PTPRZ1: variants seen among roughly 807,000 people sequenced by gnomAD.
The protein encoded by PTPRZ1 is protein tyrosine phosphatase receptor type Z1.
In PTPRZ1, 82 loss-of-function variants were observed where a neutral mutation model predicts 214.1. The ratio of observed to expected loss-of-function variants is 0.38; its 90% confidence interval spans 0.32 to 0.46. The LOEUF (loss-of-function observed/expected upper bound fraction) is 0.46, where lower values mean the gene tolerates loss of function less well. Ranked by LOEUF, PTPRZ1 falls within the 20% of genes least tolerant of loss-of-function variation. The pLI is 1.00. For synonymous variants in PTPRZ1, 945 were observed against 987.9 expected, an observed-to-expected ratio of 0.96 and a Z score of 0.81; for missense variants, 2,603 against 2,748.7, an observed-to-expected ratio of 0.95 and a Z score of 1.19.
At chr7:121,983,898 A>G in intron 7 of PTPRZ1, 69 bp from the exon 8 acceptor site, 1 of 1,588,964 alleles carries the variant, frequency 6.3e-7, no homozygotes, top group Non-Finnish European at 8.6e-7. Context: ...TTGCTATAAA[A>G]TATCCATTTT....
At chr7:122,030,795 A>G (rs544966801) in intron 14 of PTPRZ1, among the ~76,000 whole-genome samples, 1 of 152,162 alleles carries the variant, frequency 6.6e-6, no homozygotes, top group Non-Finnish European at 1.5e-5. Flanking sequence ...AAAGAAAAAA[A>G]AATCAGAACC....
intron 10 of PTPRZ1, among the ~76,000 whole-genome samples, chr7:122,004,214 A>C (rs1357426461): frequency 1.3e-5 from 2 of 152,184 alleles, no homozygotes; most frequent in Non-Finnish European, 2.9e-5. Flanking sequence ...GCATTTCCCC[A>C]ACCATGCTTT....
At chr7:121,903,270 TA>T (rs1436933771) in intron 1 of PTPRZ1, among the ~76,000 whole-genome samples, 4 of 152,212 alleles carry the variant, frequency 2.6e-5, no homozygotes, top group African/African-American at 9.6e-5. Flanking sequence ...TAAAAATGCA[TA>T]TTTTTTTCTG....
At position 122,052,002 on chromosome 7, in the gene PTPRZ1, G is replaced by A. The variant is rs1317829144; in HGVS notation, c.6252+63G>A. 6 of 1,373,260 alleles carry A rather than the reference G, an allele frequency of 4.4e-6. No individual in the cohort carries two copies. In the African/African-American group the frequency reaches 7.5e-5, roughly 17 times the overall value. 85.1% of individuals were successfully genotyped at this position (1,373,260 alleles called of 1,614,324 possible). On this transcript the variant is annotated intron_variant, in intron 25 of 29. Transcript: ENST00000393386. Reference sequence around the variant, plus strand: ...TGTTACAGGGATCAAAACCAGAATGGGCTGCCAGAAGCAAAGACTACAGGC... The same window carrying A: ...TGTTACAGGGATCAAAACCAGAATGAGCTGCCAGAAGCAAAGACTACAGGC...
intron 2 of PTPRZ1, among the ~76,000 whole-genome samples, chr7:121,958,544 A>T (rs1796779319): frequency 6.6e-6 from 1 of 152,170 alleles, no homozygotes; most frequent in African/African-American, 2.4e-5. Context: ...GTGGTTATAA[A>T]TGTATGCTAT....
rs759142145 is a variant in PTPRZ1 at position 122,011,553 on chromosome 7, A to C, written c.2507A>C (p.His836Pro). 3.7e-6 allele frequency: 6 copies of C among 1,613,916 alleles called. No individual in the cohort carries two copies. The African/African-American group carries it at 6.7e-5, about 18-fold the overall frequency. ...AGTAGTGAATTGTTTCGCCATCTGC[A>C]TACAGTTTCTCAAATCCTTCCACAA... Reference protein sequence around the residue: ...SFSSELFRHLHTVSQILPQVT... With the variant: ...SFSSELFRHLPTVSQILPQVT... The change falls in exon 12 of 30, where the codon CAT becomes CCT. Residue 836 changes from histidine to proline, a missense_variant. Transcript: ENST00000393386.
Position 122,051,422 on chromosome 7 carries a change from G to A in PTPRZ1, c.6085-6G>A, listed in dbSNP as rs1408634672. The A allele has an allele frequency of 6.2e-7, 1 of 1,607,962 alleles. No homozygotes were observed. Among genetic ancestry groups the A allele is most frequent in the South Asian group, 1.1e-5 (1 of 90,398 alleles). ...AACCTATATATTTTTTTACTTTCTTGCCCAGCTCCTGAGCCAGTCAAATAT... is the reference window on the plus strand; with the variant it reads ...AACCTATATATTTTTTTACTTTCTTACCCAGCTCCTGAGCCAGTCAAATAT... On this transcript the variant is annotated splice_polypyrimidine_tract_variant and splice_region_variant and intron_variant, in intron 23 of 29. Transcript: ENST00000393386.
intron 1 of PTPRZ1, among the ~76,000 whole-genome samples, chr7:121,906,384 T>C (rs377616497): frequency 2.6e-5 from 4 of 152,318 alleles, no homozygotes; most frequent in South Asian, 2.1e-4. Flanking sequence ...TAGTAGTAGT[T>C]AAAATAAAAC....
At chr7:121,924,877 C>T (rs1795710340) in intron 1 of PTPRZ1, among the ~76,000 whole-genome samples, 1 of 152,166 alleles carries the variant, frequency 6.6e-6, no homozygotes, top group African/African-American at 2.4e-5. Context: ...CAGGTTAAAT[C>T]ACGTATATAG....
In PTPRZ1 at chr7:122,048,291, A is replaced by G. The variant is rs181126770; in HGVS notation, c.6085-3137A>G. ...CTAATGCAGGTTCTATCAAAAGACT[A>G]TTAAAATAGACAAACCTGTGTCCAG... is the stretch of plus-strand genomic sequence containing the variant. On this transcript the variant is annotated intron_variant, in intron 23 of 29. Transcript: ENST00000393386. Among the ~76,000 whole-genome samples the G allele has an allele frequency of 1.6e-4, 24 of 152,254 alleles. No homozygotes were observed. The East Asian group carries it at 4.6e-3, about 29-fold the overall frequency.
rs560104770 is a variant in PTPRZ1, at chr7:121,876,339, A to G, written c.58+2782A>G. ...AGCTTTTAAGGAATAATTTCTTCCA[A>G]TTAATGAAGGAATTCAGGATCTTTG... is the stretch of plus-strand genomic sequence containing the variant. On this transcript the variant is annotated intron_variant, in intron 1 of 29. Coordinates refer to ENST00000393386, the MANE Select transcript of PTPRZ1 (RefSeq NM_002851.3). 4.6e-5 allele frequency among the ~76,000 whole-genome samples: 7 copies of G among 152,336 alleles called. No homozygotes were observed. The East Asian group carries it at 9.6e-4, about 21-fold the overall frequency.
intron 13 of PTPRZ1, among the ~76,000 whole-genome samples, chr7:122,022,279 A>T (rs1485921220): frequency 6.6e-6 from 1 of 152,234 alleles, no homozygotes; most frequent in Non-Finnish European, 1.5e-5. Context: ...AATGATGTTA[A>T]GTGTTTTTTC....
intron 1 of PTPRZ1, among the ~76,000 whole-genome samples, chr7:121,911,833 G>C (rs749931946): frequency 9.9e-5 from 15 of 151,446 alleles, no homozygotes; most frequent in Non-Finnish European, 1.6e-4. Flanking sequence ...ACTTTATTAA[G>C]CTATTCAATA....
rs577140345 is a variant in PTPRZ1, at chr7:121,972,459, T to C, written c.305-82T>C. ...ATCAAATAAATGATTTTTCTTAATGTACCTTAAGTAGATGGAAATTTAGTT... is the reference window on the plus strand; with the variant it reads ...ATCAAATAAATGATTTTTCTTAATGCACCTTAAGTAGATGGAAATTTAGTT... On this transcript the variant is annotated intron_variant, in intron 3 of 29. Transcript: ENST00000393386. 9.2e-6 allele frequency: 12 copies of C among 1,308,258 alleles called. No homozygotes were observed. The African/African-American group carries it at 1.2e-4, about 13-fold the overall frequency. 81.0% of individuals were successfully genotyped at this position (1,308,258 alleles called of 1,614,324 possible).
chr7:122,038,918 C>T, intron 19 of PTPRZ1, 29 bp downstream of exon 19: 4 of 1,605,128 alleles, frequency 2.5e-6, no homozygotes, highest in Non-Finnish European at 3.4e-6. Context: ...ATGTCACCCC[C>T]AAAAAAGTAA....
intron 6 of PTPRZ1, among the ~76,000 whole-genome samples, chr7:121,983,247 C>T (rs1246955691): frequency 6.6e-6 from 1 of 152,098 alleles, no homozygotes; most frequent in Non-Finnish European, 1.5e-5. Context: ...TTCTTGATCT[C>T]TAGGGGAAAC....
At chr7:122,038,394 A>G (rs1227268226) in intron 18 of PTPRZ1, among the ~76,000 whole-genome samples, 1 of 152,170 alleles carries the variant, frequency 6.6e-6, no homozygotes, top group Non-Finnish European at 1.5e-5. Context: ...TACATTTCAA[A>G]GCAGTGCTAT....
intron 29 of PTPRZ1, 110 bp downstream of exon 29, chr7:122,059,998 AGT>A: frequency 1.8e-6 from 2 of 1,082,284 alleles, no homozygotes; most frequent in Non-Finnish European, 2.6e-6. Flanking sequence ...TGATAACATT[AGT>A]ATGTAGTTTT....
In PTPRZ1 at chr7:122,000,491, G is replaced by A. The variant is rs2116623643; in HGVS notation, c.1240+2485G>A. On this transcript the variant is annotated intron_variant, in intron 10 of 29. Coordinates refer to ENST00000393386, the MANE Select transcript of PTPRZ1 (RefSeq NM_002851.3). ...AATACCACTTCATTCTGTTAATCATGTTATTTTATTAGCTTGGTAACTGTA... is the reference window on the plus strand; with the variant it reads ...AATACCACTTCATTCTGTTAATCATATTATTTTATTAGCTTGGTAACTGTA... Among the ~76,000 whole-genome samples, 4 of 150,876 alleles carry A rather than the reference G, an allele frequency of 2.7e-5. 1 individual carries two copies. The South Asian group carries it at 8.4e-4, about 32-fold the overall frequency.
Sources: gnomAD v4.1 joint callset for allele counts (sites outside exome capture counted in the v4.1 genomes callset) on GRCh38, gnomAD v4.1.1 for gene constraint, MANE v1.5 for transcripts, NCBI Gene and HGNC (gene_info 2026-07-23, HGNC 2026-07-21) for gene names.